The following KRABD5 variants were observed in gnomAD, a reference collection of about 807,000 sequenced individuals.
KRABD5 encodes the protein KRAB domain-containing protein 5.
the KRABD5 span, chr16:31,757,382 G>T: frequency 6.6e-6 from 1 of 152,176 alleles, no homozygotes; most frequent in Admixed American, 6.5e-5. Flanking sequence ...CAGGAGAGTT[G>T]CTTGAACTGA....
chr16:31,714,029 A>G, the KRABD5 span, among the ~76,000 whole-genome samples: 4 of 152,234 alleles, frequency 2.6e-5, no homozygotes, highest in Admixed American at 1.3e-4. Context: ...AAAGTGTGCT[A>G]GATTAATTGG....
the KRABD5 span, among the ~76,000 whole-genome samples, chr16:31,736,332 G>C: frequency 6.6e-6 from 1 of 151,610 alleles, no homozygotes; most frequent in Non-Finnish European, 1.5e-5. Context: ...GTAGTGTGAT[G>C]CCTTGAGCCT....
chr16:31,731,314 C>G, the KRABD5 span, among the ~76,000 whole-genome samples: 1 of 152,234 alleles, frequency 6.6e-6, no homozygotes, highest in East Asian at 1.9e-4. Context: ...GACAGACCTA[C>G]TAGCAGGGCA....
chr16:31,734,115 C>T, the KRABD5 span, among the ~76,000 whole-genome samples: 126 of 152,042 alleles, frequency 8.3e-4, no homozygotes, highest in African/African-American at 2.9e-3. Flanking sequence ...TACATATTTA[C>T]GGAGTACAAT....
the KRABD5 span, chr16:31,755,642 A>G: frequency 1.9e-5 from 9 of 484,102 alleles, no homozygotes; most frequent in Non-Finnish European, 3.8e-5. Context: ...CTACAAATGT[A>G]AAGAATGTGG....
At chr16:31,750,432 C>A in the KRABD5 span, among the ~76,000 whole-genome samples, 2 of 152,074 alleles carry the variant, frequency 1.3e-5, no homozygotes, top group African/African-American at 4.8e-5. Flanking sequence ...GTTTCAGGAG[C>A]CTTTTGGCAC....
At chr16:31,727,550 T>G in the KRABD5 span, among the ~76,000 whole-genome samples, 1 of 150,198 alleles carries the variant, frequency 6.7e-6, no homozygotes, top group Admixed American at 6.6e-5. Flanking sequence ...TTCCCTTCAA[T>G]TTTTTGGAAG....
At chr16:31,720,595 T>C in the KRABD5 span, among the ~76,000 whole-genome samples, 2 of 152,208 alleles carry the variant, frequency 1.3e-5, no homozygotes, top group African/African-American at 2.4e-5. Context: ...ATACCCAGAC[T>C]ATGATTTACT....
the KRABD5 span, among the ~76,000 whole-genome samples, chr16:31,750,785 A>AT: frequency 1.3e-5 from 2 of 151,074 alleles, no homozygotes; most frequent in African/African-American, 2.4e-5. Flanking sequence ...TGAAATGGTG[A>AT]TTTTTTTTGG....
the KRABD5 span, among the ~76,000 whole-genome samples, chr16:31,746,238 T>C: frequency 6.6e-6 from 1 of 152,208 alleles, no homozygotes; most frequent in Non-Finnish European, 1.5e-5. Flanking sequence ...TTTGTGTTTT[T>C]CCAGTGGCTG....
the KRABD5 span, chr16:31,754,697 G>A: frequency 2.2e-6 from 1 of 458,158 alleles, no homozygotes; most frequent in East Asian, 6.9e-5. Flanking sequence ...AATCCATATT[G>A]GAGAAAAGTC....
chr16:31,744,240 A>G, the KRABD5 span, among the ~76,000 whole-genome samples: 2 of 152,096 alleles, frequency 1.3e-5, no homozygotes, highest in Admixed American at 6.6e-5. Context: ...TGCTCATTCA[A>G]TATGATATTG....
the KRABD5 span, among the ~76,000 whole-genome samples, chr16:31,729,287 A>G: frequency 6.6e-6 from 1 of 152,322 alleles, no homozygotes; most frequent in Admixed American, 6.5e-5. Context: ...TTCACAGGGT[A>G]TTTTATAATG....
the KRABD5 span, among the ~76,000 whole-genome samples, chr16:31,724,300 T>A: frequency 1.3e-5 from 2 of 152,180 alleles, no homozygotes; most frequent in Non-Finnish European, 2.9e-5. Flanking sequence ...TGATTTTATA[T>A]ATGTATACAT....
the KRABD5 span, among the ~76,000 whole-genome samples, chr16:31,745,389 T>G: frequency 6.6e-6 from 1 of 152,230 alleles, no homozygotes; most frequent in Admixed American, 6.5e-5. Context: ...CCAGGAATCA[T>G]GCAGGAGCAG....
chr16:31,754,127 C>T, the KRABD5 span: 1 of 697,086 alleles, frequency 1.4e-6, no homozygotes, highest in Non-Finnish European at 2.6e-6. Context: ...GTGACTTAGT[C>T]CATGTTTCAA....
the KRABD5 span, among the ~76,000 whole-genome samples, chr16:31,742,205 A>AT: frequency 1.3e-5 from 2 of 150,982 alleles, no homozygotes; most frequent in Admixed American, 6.6e-5. Flanking sequence ...AAAAAAAAAA[A>AT]GATGGGGGAT....
chr16:31,741,944 A>G, the KRABD5 span, among the ~76,000 whole-genome samples: 53 of 152,088 alleles, frequency 3.5e-4, no homozygotes, highest in Admixed American at 3.4e-3. Flanking sequence ...ATCTTTAATC[A>G]TCTTGAGTTA....
chr16:31,720,608 T>C, the KRABD5 span, among the ~76,000 whole-genome samples: 1 of 152,218 alleles, frequency 6.6e-6, no homozygotes, highest in Non-Finnish European at 1.5e-5. Flanking sequence ...GATTTACTTT[T>C]TTCCCCCACT....
Sources: allele counts gnomAD v4.1 joint callset (sites outside exome capture counted in the v4.1 genomes callset), GRCh38; gene constraint gnomAD v4.1.1; transcripts MANE v1.5; gene names NCBI Gene and HGNC (gene_info 2026-07-23, HGNC 2026-07-21).